PCYT1A: variants seen among roughly 807,000 people sequenced by gnomAD.
PCYT1A encodes phosphate cytidylyltransferase 1A, choline.
PCYT1A carries 25 observed loss-of-function variants against 43.7 expected under a neutral mutation model. That is an observed-to-expected ratio of 0.57 (90% CI 0.42 to 0.80). The LOEUF (loss-of-function observed/expected upper bound fraction) is 0.80, where lower values mean the gene tolerates loss of function less well. Ranked by LOEUF, PCYT1A falls within the 30% of genes least tolerant of loss-of-function variation. The pLI, the probability that PCYT1A is intolerant of heterozygous loss-of-function variation, is 0.00. For synonymous variants in PCYT1A, 172 were observed against 170.7 expected, an observed-to-expected ratio of 1.01 and a Z score of -0.06; for missense variants, 421 against 474.2, an observed-to-expected ratio of 0.89 and a Z score of 1.04.
intron 2 of PCYT1A, among the ~76,000 whole-genome samples, chr3:196,269,370 T>C (rs1725368094): frequency 6.6e-6 from 1 of 152,184 alleles, no homozygotes; most frequent in African/African-American, 2.4e-5. Context: ...AACTAAGCAG[T>C]GGAAACTGAG....
intron 2 of PCYT1A, among the ~76,000 whole-genome samples, chr3:196,260,231 C>T (rs1352259992): frequency 1.3e-5 from 2 of 151,948 alleles, no homozygotes; most frequent in Non-Finnish European, 2.9e-5. Flanking sequence ...CCAAGACATT[C>T]ATTTTTAGAT....
intron 8 of PCYT1A, 105 bp downstream of exon 8, chr3:196,239,442 T>C (rs1478768439): frequency 2.9e-6 from 2 of 685,598 alleles, no homozygotes; most frequent in Non-Finnish European, 5.1e-6. Flanking sequence ...GATAAGGGGA[T>C]AGACTAGATA....
At position 196,280,573 on chromosome 3, in the gene PCYT1A, T is replaced by TG. The variant is rs1423264503; in HGVS notation, c.-11+7041_-11+7042insC. 2.6e-4 allele frequency among the ~76,000 whole-genome samples: 38 copies of TG among 144,992 alleles called. No individual in the cohort carries two copies. In the East Asian group the frequency reaches 7.0e-3, roughly 27 times the overall value. The stretch of plus-strand genomic sequence containing the variant: ...TTGTTGTATTGGTATTTTTATTGTT[T>TG]TTTTTTTTTTTTTTTTCTGAATATT... On this transcript the variant is annotated intron_variant, in intron 1 of 8. Transcript: ENST00000431016.
intron 2 of PCYT1A, among the ~76,000 whole-genome samples, chr3:196,263,988 A>G (rs1725196171): frequency 6.6e-6 from 1 of 152,188 alleles, no homozygotes; most frequent in Admixed American, 6.5e-5. Context: ...TCCTATTGCC[A>G]TTTCAGTGAA....
intron 2 of PCYT1A, among the ~76,000 whole-genome samples, chr3:196,260,923 A>G (rs2108773428): frequency 6.6e-6 from 1 of 152,358 alleles, no homozygotes; most frequent in South Asian, 2.1e-4. Flanking sequence ...AATAGCCAAA[A>G]AGTAGAAACA....
In PCYT1A at chr3:196,247,946, C is replaced by T. The variant is rs951814612; in HGVS notation, c.334+261G>A. The T allele has an allele frequency of 2.7e-5, 14 of 524,712 alleles. No individual in the cohort carries two copies. Among genetic ancestry groups the T allele is most frequent in the South Asian group, 8.4e-5 (4 of 47,892 alleles). 32.5% of individuals were successfully genotyped at this position (524,712 alleles called of 1,614,324 possible). A position where few individuals can be genotyped will look rare whatever the true frequency, so the allele number is the denominator to read the frequency against. ...AAAGCAAATGTTTTAAAGTGGACAA[C>T]GGAAGTCACGGCTGCTCCTGTGACC... On this transcript the variant is annotated intron_variant, in intron 4 of 8. Transcript: ENST00000431016. The surrounding 1 kb of genome is among the most constrained non-coding windows in gnomAD (Gnocchi z 4.8).
chr3:196,260,039 C>T (rs1725062723), intron 2 of PCYT1A, among the ~76,000 whole-genome samples: 1 of 147,354 alleles, frequency 6.8e-6, no homozygotes, highest in Non-Finnish European at 1.5e-5. Flanking sequence ...TCTCATGCCT[C>T]AGCCTCCCAA....
chr3:196,242,965 G>A lies in PCYT1A; in HGVS notation c.487-325C>T. On this transcript the variant is annotated intron_variant, in intron 5 of 8. Coordinates refer to ENST00000431016, the MANE Select transcript of PCYT1A (RefSeq NM_001312673.2). This position sits in a 1 kb window ranked among gnomAD's most constrained non-coding sequence, Gnocchi z 4.2. ...TTTGCTGGTGAACCGGTTAGTGGGT[G>A]GAGCCTAGGAAAGAAGGAAATCTCC... 1 of 308,140 alleles carries A rather than the reference G, an allele frequency of 3.2e-6. No individual in the cohort carries two copies. Among genetic ancestry groups the A allele is most frequent in the Non-Finnish European group, 6.2e-6 (1 of 161,556 alleles). 19.1% of individuals were successfully genotyped at this position (308,140 alleles called of 1,614,324 possible). A position where few individuals can be genotyped will look rare whatever the true frequency, so the allele number is the denominator to read the frequency against.
chr3:196,248,137 A>G (rs1724627769), intron 4 of PCYT1A, 70 bp downstream of exon 4: 1 of 859,716 alleles, frequency 1.2e-6, no homozygotes. Context: ...CAGTGTACTC[A>G]GCTGAGAAAG....
At chr3:196,279,286 CAAAAA>C (rs532624855) in intron 1 of PCYT1A, among the ~76,000 whole-genome samples, 1 of 108,606 alleles carries the variant, frequency 9.2e-6, no homozygotes, top group African/African-American at 3.5e-5. Context: ...GAAACTCTAT[CAAAAA>C]AAAAAAAAAA....
At chr3:196,263,923 C>T (rs1401900069) in intron 2 of PCYT1A, among the ~76,000 whole-genome samples, 4 of 152,166 alleles carry the variant, frequency 2.6e-5, no homozygotes, top group African/African-American at 4.8e-5. Flanking sequence ...TGAGCCACTG[C>T]GCCCAGCCAG....
At chr3:196,255,411 C>T (rs996800675) in intron 3 of PCYT1A, among the ~76,000 whole-genome samples, 1 of 152,116 alleles carries the variant, frequency 6.6e-6, no homozygotes, top group African/African-American at 2.4e-5. Context: ...ACCTTAATTG[C>T]TTTATGTACT....
intron 2 of PCYT1A, among the ~76,000 whole-genome samples, chr3:196,265,876 C>T (rs1400315815): frequency 6.6e-6 from 1 of 151,804 alleles, no homozygotes; most frequent in Non-Finnish European, 1.5e-5. Flanking sequence ...GTAGCTGGGA[C>T]TACAGGCGCC....
chr3:196,273,456 C>T lies in PCYT1A; in HGVS notation c.-10-2915G>A, dbSNP rs755187888. On this transcript the variant is annotated intron_variant, in intron 1 of 8. Coordinates refer to ENST00000431016, the MANE Select transcript of PCYT1A (RefSeq NM_001312673.2). The surrounding 1 kb of genome is among the most constrained non-coding windows in gnomAD (Gnocchi z 4.1). Reference sequence around the variant, plus strand: ...ATGAGGTATATGGACAACTGGAGGACGAGCAAGGTGAAGAGGTGCTTTATT... The same window carrying T: ...ATGAGGTATATGGACAACTGGAGGATGAGCAAGGTGAAGAGGTGCTTTATT... Among the ~76,000 whole-genome samples the T allele has an allele frequency of 2.6e-5, 4 of 152,156 alleles. No individual in the cohort carries two copies. Among genetic ancestry groups the T allele is most frequent in the Non-Finnish European group, 4.4e-5 (3 of 68,026 alleles).
intron 1 of PCYT1A, among the ~76,000 whole-genome samples, chr3:196,274,526 C>A (rs1221204651): frequency 1.3e-5 from 2 of 152,142 alleles, no homozygotes; most frequent in Non-Finnish European, 2.9e-5. Flanking sequence ...TAGGAATCAG[C>A]CAGAAATTGG....
In PCYT1A at chr3:196,282,087, A is replaced by G. The variant is rs1275453848; in HGVS notation, c.-11+5528T>C. The stretch of plus-strand genomic sequence containing the variant: ...CAACGTTACTTGTCATGAGCCCTAT[A>G]AACTGTCACATTTAAGACCTTAGCT... On this transcript the variant is annotated intron_variant, in intron 1 of 8. Transcript: ENST00000431016. This position sits in a 1 kb window ranked among gnomAD's most constrained non-coding sequence, Gnocchi z 4.3. Among the ~76,000 whole-genome samples the G allele has an allele frequency of 1.3e-5, 2 of 152,222 alleles. No individual in the cohort carries two copies. Among genetic ancestry groups the G allele is most frequent in the Admixed American group, 6.5e-5 (1 of 15,276 alleles).
At chr3:196,280,072 C>G (rs1295268914) in intron 1 of PCYT1A, among the ~76,000 whole-genome samples, 2 of 152,080 alleles carry the variant, frequency 1.3e-5, no homozygotes, top group African/African-American at 4.8e-5. Context: ...CTCAGGTGAT[C>G]TGCCCGCCTC....
chr3:196,259,006 G>A (rs1028442189), intron 2 of PCYT1A, among the ~76,000 whole-genome samples: 8 of 152,116 alleles, frequency 5.3e-5, no homozygotes, highest in Non-Finnish European at 1.0e-4. Context: ...TGTAAGATTC[G>A]TATTATTTAT....
intron 3 of PCYT1A, among the ~76,000 whole-genome samples, 162 bp downstream of exon 3, chr3:196,257,626 C>T (rs140504082): frequency 1.3e-3 from 204 of 152,252 alleles, no homozygotes; most frequent in African/African-American, 4.8e-3. Context: ...AGTGGAGTTA[C>T]CCTTCTAAAT....
Sources: allele counts gnomAD v4.1 joint callset (sites outside exome capture counted in the v4.1 genomes callset), GRCh38; gene constraint gnomAD v4.1.1; non-coding constraint Gnocchi (gnomAD v3.1); transcripts MANE v1.5; gene names NCBI Gene and HGNC (gene_info 2026-07-23, HGNC 2026-07-21).